The following CPQ variants were observed in gnomAD, a reference collection of about 807,000 sequenced individuals.
The protein encoded by CPQ is Ser-Met dipeptidase.
A neutral mutation model predicts 45.7 loss-of-function variants in CPQ; 37 were observed. The observed-to-expected ratio is 0.81, with a 90% CI of 0.62 to 1.07. The LOEUF is 1.07. Among genes scored for constraint, CPQ ranks in the 50% least tolerant of loss-of-function variants. CPQ has a pLI of 0.00. For missense variants in CPQ, 537 were observed against 572.9 expected (o/e 0.94, Z 0.64); for synonymous variants, 186 against 205.8 (o/e 0.90, Z 0.82).
intron 5 of CPQ, among the ~76,000 whole-genome samples, chr8:96,966,347 A>G (rs1289199358): frequency 3.9e-5 from 6 of 152,356 alleles, no homozygotes; most frequent in Middle Eastern, 3.4e-3. Flanking sequence ...ATGAAATGCA[A>G]AGAAAAATCA....
At chr8:96,996,100 A>C (rs1313673606) in intron 5 of CPQ, among the ~76,000 whole-genome samples, 1 of 152,070 alleles carries the variant, frequency 6.6e-6, no homozygotes, top group Admixed American at 6.6e-5. Flanking sequence ...TTAAGTGTCA[A>C]GCACAAATCA....
chr8:96,699,831 T>C (rs1275305215), intron 1 of CPQ, among the ~76,000 whole-genome samples: 1 of 152,126 alleles, frequency 6.6e-6, no homozygotes, highest in Non-Finnish European at 1.5e-5. Context: ...GGCCAAACTG[T>C]CCTTATCACT....
At chr8:96,702,913 C>T (rs1015360837) in intron 1 of CPQ, among the ~76,000 whole-genome samples, 1 of 152,098 alleles carries the variant, frequency 6.6e-6, no homozygotes, top group Non-Finnish European at 1.5e-5. Context: ...TTGTCTAGTG[C>T]TTCTACATGC....
intron 6 of CPQ, among the ~76,000 whole-genome samples, chr8:97,040,985 A>T (rs1342269291): frequency 6.6e-6 from 1 of 151,784 alleles, no homozygotes; most frequent in Non-Finnish European, 1.5e-5. Flanking sequence ...TTGGTTCCAT[A>T]TGAACTTTAA....
chr8:96,922,734 T>C (rs1322388968), intron 4 of CPQ, among the ~76,000 whole-genome samples: 1 of 152,240 alleles, frequency 6.6e-6, no homozygotes, highest in Non-Finnish European at 1.5e-5. Context: ...AGATGCTACA[T>C]ATCTGTAGCA....
chr8:96,713,855 G>A (rs1196646283), intron 1 of CPQ, among the ~76,000 whole-genome samples: 1 of 152,194 alleles, frequency 6.6e-6, no homozygotes, highest in Non-Finnish European at 1.5e-5. Context: ...AACTCCTTCA[G>A]AATTTGGTTG....
chr8:96,985,530 G>A (rs1808949173), intron 5 of CPQ, among the ~76,000 whole-genome samples: 1 of 151,958 alleles, frequency 6.6e-6, no homozygotes, highest in Non-Finnish European at 1.5e-5. Context: ...TAGTTTTTTA[G>A]CCTGATGCTT....
At chr8:96,730,638 A>G (rs551801657) in intron 1 of CPQ, among the ~76,000 whole-genome samples, 36 of 151,952 alleles carry the variant, frequency 2.4e-4, no homozygotes, top group African/African-American at 8.4e-4. Flanking sequence ...GACTAAGTCA[A>G]TCTTTAGCAT....
At chr8:96,915,128 C>T (rs557508044) in intron 4 of CPQ, among the ~76,000 whole-genome samples, 25 of 152,284 alleles carry the variant, frequency 1.6e-4, no homozygotes, top group Admixed American at 1.6e-3. Flanking sequence ...CTGTTGAGCA[C>T]TCCTTGACAC....
intron 4 of CPQ, among the ~76,000 whole-genome samples, chr8:96,913,854 C>T (rs946946717): frequency 1.3e-5 from 2 of 152,274 alleles, no homozygotes; most frequent in East Asian, 3.9e-4. Context: ...CACATAATTA[C>T]CTTGAACACC....
intron 1 of CPQ, among the ~76,000 whole-genome samples, chr8:96,692,192 A>G (rs1429186060): frequency 4.6e-5 from 7 of 152,182 alleles, no homozygotes; most frequent in Non-Finnish European, 1.0e-4. Flanking sequence ...CAAGCTTGAG[A>G]CACCAAGTGA....
rs549992330 is a variant in CPQ at position 97,135,153 on chromosome 8, T to C, written c.1256-7867T>C. On this transcript the variant is annotated intron_variant, in intron 7 of 7. Coordinates refer to ENST00000220763, the MANE Select transcript of CPQ (RefSeq NM_016134.4). ...CAAAGAGATAGAAGGTACATGGGCT[T>C]AGTGGCGCACCTAAAACTTTTTAGC... 1.6e-3 allele frequency among the ~76,000 whole-genome samples: 240 copies of C among 152,324 alleles called. 1 individual carries two copies. The highest frequency in any genetic ancestry group is 5.2e-3 in the African/African-American group (217 of 41,578).
At chr8:97,090,923 A>G (rs1390719864) in intron 7 of CPQ, among the ~76,000 whole-genome samples, 2 of 152,212 alleles carry the variant, frequency 1.3e-5, no homozygotes, top group Non-Finnish European at 2.9e-5. Flanking sequence ...ATGCTGCAAG[A>G]GTCCATGCCC....
intron 2 of CPQ, among the ~76,000 whole-genome samples, chr8:96,813,681 AG>A (rs1191209657): frequency 6.6e-6 from 1 of 152,074 alleles, no homozygotes. Context: ...CCTCTGAAAG[AG>A]AGGGCTGGAG....
At chr8:96,864,385 C>T (rs1811969283) in intron 3 of CPQ, among the ~76,000 whole-genome samples, 3 of 152,028 alleles carry the variant, frequency 2.0e-5, no homozygotes, top group Admixed American at 2.0e-4. Context: ...CCACCCAAAG[C>T]TTTTCCTTCA....
chr8:97,065,848 G>A (rs972524780), intron 6 of CPQ, among the ~76,000 whole-genome samples, 161 bp from the exon 7 acceptor site: 8 of 152,102 alleles, frequency 5.3e-5, no homozygotes, highest in Non-Finnish European at 1.0e-4. Flanking sequence ...ATCTCAGAAT[G>A]GTTAGATAAT....
chr8:97,130,476 C>T (rs1167093631), intron 7 of CPQ, among the ~76,000 whole-genome samples: 1 of 147,948 alleles, frequency 6.8e-6, no homozygotes, highest in East Asian at 2.0e-4. Context: ...TTTATCTCAC[C>T]AGAGAAGCAT....
intron 1 of CPQ, among the ~76,000 whole-genome samples, chr8:96,731,060 C>G (rs577847169): frequency 6.7e-4 from 101 of 151,834 alleles, no homozygotes; most frequent in Non-Finnish European, 1.1e-3. Flanking sequence ...CTTTCAAACC[C>G]TCTCATCTTC....
chr8:97,121,921 A>C (rs942138549), intron 7 of CPQ, among the ~76,000 whole-genome samples: 12 of 152,126 alleles, frequency 7.9e-5, no homozygotes, highest in African/African-American at 2.9e-4. Context: ...AAGATACATG[A>C]ACTCGAAAAG....
Sources: gnomAD v4.1 joint callset for allele counts (sites outside exome capture counted in the v4.1 genomes callset) on GRCh38, gnomAD v4.1.1 for gene constraint, MANE v1.5 for transcripts, NCBI Gene and HGNC (gene_info 2026-07-23, HGNC 2026-07-21) for gene names.